Variants in ZBTB20 observed in about 807,000 individuals in gnomAD.
ZBTB20 encodes zinc finger and BTB domain containing 20, also known as zinc finger and BTB domain-containing protein 20.
A neutral mutation model predicts 56.9 loss-of-function variants in ZBTB20; 9 were observed. The ratio of observed to expected loss-of-function variants is 0.16; its 90% CI spans 0.10 to 0.28. The LOEUF is 0.28. Ranked by LOEUF, ZBTB20 falls within the 10% of genes least tolerant of loss-of-function variation. The probability of loss-of-function intolerance (pLI) is 1.00; values close to 1 mark genes in which losing one functional copy is unlikely to be tolerated. For synonymous variants in ZBTB20, 417 were observed against 420.7 expected (o/e 0.99, Z 0.11); for missense variants, 655 against 1,003.0 (o/e 0.65, Z 4.69).
intron 2 of ZBTB20, among the ~76,000 whole-genome samples, chr3:115,069,763 T>C (rs542561774): frequency 6.6e-6 from 1 of 152,194 alleles, no homozygotes; most frequent in South Asian, 2.1e-4. Flanking sequence ...CAGATTGTCA[T>C]TGATAATGAT....
chr3:114,452,088 G>A (rs1355906442), intron 7 of ZBTB20, among the ~76,000 whole-genome samples: 2 of 151,950 alleles, frequency 1.3e-5, no homozygotes, highest in African/African-American at 4.8e-5. Flanking sequence ...GAAAAAAAAG[G>A]GGGGGTACCA....
At chr3:114,446,578 C>G (rs2091285339) in intron 7 of ZBTB20, among the ~76,000 whole-genome samples, 1 of 152,120 alleles carries the variant, frequency 6.6e-6, no homozygotes, top group African/African-American at 2.4e-5. Flanking sequence ...ATTTATTACC[C>G]TGGACTTTAT....
intron 5 of ZBTB20, chr3:114,743,840 G>A (rs1333437986): frequency 6.6e-6 from 1 of 152,116 alleles, no homozygotes; most frequent in Non-Finnish European, 1.5e-5. Context: ...ACTGAAATCA[G>A]AAATTTCAAA....
intron 5 of ZBTB20, among the ~76,000 whole-genome samples, chr3:114,781,147 T>A (rs1321447234): frequency 6.6e-6 from 1 of 152,216 alleles, no homozygotes; most frequent in Non-Finnish European, 1.5e-5. Flanking sequence ...ATTTTTTTAA[T>A]GTAGGCTGTG....
chr3:114,985,298 C>T, intron 2 of ZBTB20, among the ~76,000 whole-genome samples: 1 of 152,110 alleles, frequency 6.6e-6, no homozygotes, highest in South Asian at 2.1e-4. Context: ...TTTTCAAGTG[C>T]TTACAATGTG....
At chr3:114,805,091 G>A (rs998052352) in intron 4 of ZBTB20, among the ~76,000 whole-genome samples, 1 of 151,810 alleles carries the variant, frequency 6.6e-6, no homozygotes, top group African/African-American at 2.4e-5. Context: ...TGGAAAAGTT[G>A]CAATGATAGT....
chr3:114,969,745 A>G (rs946955315), intron 3 of ZBTB20, among the ~76,000 whole-genome samples: 1 of 152,236 alleles, frequency 6.6e-6, no homozygotes, highest in African/African-American at 2.4e-5. Context: ...TATGTATGTT[A>G]TAACAGTAAA....
intron 1 of ZBTB20, among the ~76,000 whole-genome samples, chr3:115,095,248 C>T (rs2083337765): frequency 6.6e-6 from 1 of 152,038 alleles, no homozygotes. Context: ...ACTCATAGTC[C>T]TTGTTCCTTG....
At chr3:114,878,977 C>T (rs924355883) in intron 4 of ZBTB20, among the ~76,000 whole-genome samples, 6 of 152,158 alleles carry the variant, frequency 3.9e-5, no homozygotes, top group East Asian at 1.9e-4. Context: ...AAGCCAGGTA[C>T]GAATTGGCAC....
intron 6 of ZBTB20, among the ~76,000 whole-genome samples, chr3:114,566,904 T>C (rs900407488): frequency 5.3e-5 from 8 of 152,242 alleles, no homozygotes; most frequent in African/African-American, 1.9e-4. Context: ...AAGCTAATGA[T>C]AATGGTTAGT....
At chr3:114,549,452 T>C (rs1256801256) in intron 6 of ZBTB20, among the ~76,000 whole-genome samples, 1 of 152,028 alleles carries the variant, frequency 6.6e-6, no homozygotes, top group South Asian at 2.1e-4. Context: ...TTACTGCTAA[T>C]TTTTTTTCAA....
At chr3:114,943,411 CAAAA>C (rs1315502663) in intron 3 of ZBTB20, among the ~76,000 whole-genome samples, 1 of 145,100 alleles carries the variant, frequency 6.9e-6, no homozygotes, top group East Asian at 1.9e-4. Context: ...AAATAATAGA[CAAAA>C]ACATAAATTC....
At chr3:114,641,787 A>G (rs184604992) in intron 6 of ZBTB20, among the ~76,000 whole-genome samples, 1 of 152,100 alleles carries the variant, frequency 6.6e-6, no homozygotes, top group East Asian at 1.9e-4. Flanking sequence ...CTGACATCAA[A>G]AAGTATATGG....
At chr3:115,075,863 T>C (rs114723118) in intron 1 of ZBTB20, among the ~76,000 whole-genome samples, 399 of 152,196 alleles carry the variant, frequency 2.6e-3, no homozygotes, top group African/African-American at 9.2e-3. Flanking sequence ...AGTCTATGCT[T>C]TTATATACAG....
chr3:114,674,774 A>G (rs1200189680), intron 6 of ZBTB20, among the ~76,000 whole-genome samples: 1 of 152,118 alleles, frequency 6.6e-6, no homozygotes. Context: ...CTTTTGATTT[A>G]GATAAAACTG....
intron 7 of ZBTB20, among the ~76,000 whole-genome samples, chr3:114,393,999 T>A (rs912131279): frequency 6.6e-6 from 1 of 152,200 alleles, no homozygotes; most frequent in African/African-American, 2.4e-5. Context: ...CTACTTTGAG[T>A]ATGGCCTGTC....
chr3:115,109,770 T>G (rs2083821953), intron 1 of ZBTB20, among the ~76,000 whole-genome samples: 1 of 152,186 alleles, frequency 6.6e-6, no homozygotes, highest in Non-Finnish European at 1.5e-5. Context: ...TTTCAGAACT[T>G]AAAATTTTAT....
intron 4 of ZBTB20, among the ~76,000 whole-genome samples, chr3:114,822,718 G>T (rs953624172): frequency 1.3e-5 from 2 of 152,060 alleles, no homozygotes; most frequent in Admixed American, 1.3e-4. Flanking sequence ...ACCATACACA[G>T]AATTATTCAG....
chr3:115,014,662 G>A (rs992518153), intron 2 of ZBTB20, among the ~76,000 whole-genome samples: 4 of 151,584 alleles, frequency 2.6e-5, no homozygotes, highest in Non-Finnish European at 4.4e-5. Flanking sequence ...GAGATGTAGC[G>A]ATGAACCAAA....
Sources: gnomAD v4.1 joint callset for allele counts (sites outside exome capture counted in the v4.1 genomes callset) on GRCh38, gnomAD v4.1.1 for gene constraint, MANE v1.5 for transcripts, NCBI Gene and HGNC (gene_info 2026-07-23, HGNC 2026-07-21) for gene names.